The following ZMIZ1 variants were observed in gnomAD, a reference collection of about 807,000 sequenced individuals.
The protein encoded by ZMIZ1 is zinc finger MIZ-type containing 1, also known as zinc finger MIZ domain-containing protein 1.
A neutral mutation model predicts 113.9 loss-of-function variants in ZMIZ1; 17 were observed. The observed-to-expected ratio is 0.15, with a 90% CI of 0.10 to 0.22. The LOEUF (loss-of-function observed/expected upper bound fraction) is 0.22, where lower values mean the gene tolerates loss of function less well. Ranked by LOEUF, ZMIZ1 falls within the 10% of genes least tolerant of loss-of-function variation. The pLI is 1.00. For synonymous variants in ZMIZ1, 607 were observed against 603.1 expected (o/e 1.01, Z -0.09); for missense variants, 1,059 against 1,477.8 (o/e 0.72, Z 4.65).
chr10:79,298,459 C>T lies in ZMIZ1; in HGVS notation c.1545C>T (p.Asn515=), dbSNP rs1854060082. The change falls in exon 15 of 25, where the codon AAC becomes AAT. Residue 515 remains asparagine (N), a synonymous_variant. Coordinates refer to ENST00000334512, the MANE Select transcript of ZMIZ1 (RefSeq NM_020338.4). ...ACCCCCACTCACCTGTTCCAGGGAACCCCACACCCCCCATGACCCCTGGGA... is the reference window on the plus strand; with the variant it reads ...ACCCCCACTCACCTGTTCCAGGGAATCCCACACCCCCCATGACCCCTGGGA... ...ANYPHSPVPG[N]PTPPMTPGSS... The T allele has an allele frequency of 6.2e-7, 1 of 1,607,530 alleles. No individual in the cohort carries two copies. The highest frequency in any genetic ancestry group is 1.3e-5 in the African/African-American group (1 of 74,236).
At chr10:79,208,020 T>C (rs1233151784) in intron 5 of ZMIZ1, among the ~76,000 whole-genome samples, 2 of 140,634 alleles carry the variant, frequency 1.4e-5, no homozygotes, top group African/African-American at 2.6e-5. Context: ...GTCTTTGCAA[T>C]GGGGCTACTA....
intron 3 of ZMIZ1, among the ~76,000 whole-genome samples, chr10:79,150,745 C>G (rs1032758030): frequency 6.6e-6 from 1 of 152,178 alleles, no homozygotes; most frequent in Non-Finnish European, 1.5e-5. Context: ...AAAACCTCCC[C>G]ATCCACCCCT....
intron 4 of ZMIZ1, among the ~76,000 whole-genome samples, chr10:79,172,265 G>A (rs539214634): frequency 1.8e-4 from 27 of 152,248 alleles, no homozygotes; most frequent in African/African-American, 6.0e-4. Flanking sequence ...CTAGGGCCCA[G>A]CTGGGAGCCT....
intron 8 of ZMIZ1, 111 bp from the exon 9 acceptor site, chr10:79,289,664 G>T (rs965285705): frequency 3.1e-6 from 3 of 968,474 alleles, no homozygotes; most frequent in East Asian, 2.5e-5. Flanking sequence ...TCGGATGGGG[G>T]TTACCTTGGA....
chr10:79,128,105 C>T (rs956784065), intron 2 of ZMIZ1, among the ~76,000 whole-genome samples: 1 of 152,190 alleles, frequency 6.6e-6, no homozygotes, highest in Non-Finnish European at 1.5e-5. Flanking sequence ...ACCTCCCTCC[C>T]CTCCAGGCAG....
In ZMIZ1 at chr10:79,298,277, C is replaced by T. The variant is rs182072168; in HGVS notation, c.1492-129C>T. 2.4e-4 allele frequency: 260 copies of T among 1,067,182 alleles called. No individual in the cohort carries two copies. In the African/African-American group the frequency reaches 3.9e-3, roughly 16 times the overall value. 66.1% of individuals were successfully genotyped at this position (1,067,182 alleles called of 1,614,324 possible). On this transcript the variant is annotated intron_variant, in intron 14 of 24. Coordinates refer to ENST00000334512, the MANE Select transcript of ZMIZ1 (RefSeq NM_020338.4). ...AGATCTGCGAGAGAGAAGAGTTTCC[C>T]TGGAGGAGGCTCTCCTCCCGAGGGG...
chr10:79,263,594 CG>C (rs1851397211), intron 7 of ZMIZ1, among the ~76,000 whole-genome samples: 1 of 152,128 alleles, frequency 6.6e-6, no homozygotes, highest in African/African-American at 2.4e-5. Flanking sequence ...GTGTCAGCAC[CG>C]GGCCCCCAGG....
At chr10:79,199,240 G>C (rs899483471) in intron 4 of ZMIZ1, among the ~76,000 whole-genome samples, 4 of 151,996 alleles carry the variant, frequency 2.6e-5, no homozygotes, top group African/African-American at 9.7e-5. Flanking sequence ...AGGCGTGGTG[G>C]CTCACACCTG....
At chr10:79,088,542 G>C (rs186497195) in intron 1 of ZMIZ1, among the ~76,000 whole-genome samples, 5 of 152,238 alleles carry the variant, frequency 3.3e-5, no homozygotes, top group Admixed American at 3.3e-4. Flanking sequence ...GGAGTTGCCA[G>C]TGAGAGGGTG....
intron 1 of ZMIZ1, among the ~76,000 whole-genome samples, chr10:79,078,009 G>A (rs112971565): frequency 6.6e-6 from 1 of 152,286 alleles, no homozygotes; most frequent in African/African-American, 2.4e-5. Flanking sequence ...ACTCCCTGCC[G>A]TTTTCCACAC....
intron 23 of ZMIZ1, among the ~76,000 whole-genome samples, chr10:79,307,788 G>A (rs967690290): frequency 2.0e-5 from 3 of 152,010 alleles, no homozygotes; most frequent in Non-Finnish European, 4.4e-5. Context: ...CTCTGGAGAT[G>A]GGGGAAGCTT....
intron 4 of ZMIZ1, among the ~76,000 whole-genome samples, chr10:79,180,738 AG>A (rs1161923625): frequency 6.6e-6 from 1 of 152,202 alleles, no homozygotes; most frequent in Non-Finnish European, 1.5e-5. Context: ...GCCTCTGCTC[AG>A]GGGGGATAAA....
rs370274383 is a variant in ZMIZ1, at chr10:79,242,658, G to C, written c.280+26384G>C. Among the ~76,000 whole-genome samples, 72 of 152,012 alleles carry C rather than the reference G, an allele frequency of 4.7e-4. 1 individual carries two copies. In the East Asian group the frequency reaches 0.01, roughly 21 times the overall value. On this transcript the variant is annotated intron_variant, in intron 7 of 24. Coordinates refer to ENST00000334512, the MANE Select transcript of ZMIZ1 (RefSeq NM_020338.4). ...CATGCCCACTTGGGAGGATTCGCTG[G>C]GGGGCGGGAGACACCCGAAGTCATC...
chr10:79,154,303 T>C (rs1845818687), intron 3 of ZMIZ1, among the ~76,000 whole-genome samples: 1 of 152,108 alleles, frequency 6.6e-6, no homozygotes, highest in African/African-American at 2.4e-5. Flanking sequence ...CTCCAAGGAC[T>C]CTGCTGAGAG....
At chr10:79,132,876 T>A (rs1844831948) in intron 2 of ZMIZ1, among the ~76,000 whole-genome samples, 1 of 151,992 alleles carries the variant, frequency 6.6e-6, no homozygotes, top group African/African-American at 2.4e-5. Flanking sequence ...CCTTCCTCCT[T>A]CCCTCCCATG....
chr10:79,183,058 C>T (rs1847187107), intron 4 of ZMIZ1, among the ~76,000 whole-genome samples: 1 of 152,170 alleles, frequency 6.6e-6, no homozygotes, highest in Non-Finnish European at 1.5e-5. Context: ...TAAGCAGTAC[C>T]AAGTCAACCT....
At chr10:79,289,171 G>A (rs748245422) in intron 8 of ZMIZ1, among the ~76,000 whole-genome samples, 82 of 152,200 alleles carry the variant, frequency 5.4e-4, no homozygotes, top group African/African-American at 1.9e-3. Flanking sequence ...GTACATGAGA[G>A]ATCGGGGTGG....
Position 79,310,963 on chromosome 10 carries a change from A to G in ZMIZ1, c.2875A>G (p.Ile959Val), listed in dbSNP as rs748589299. 2.6e-5 allele frequency: 42 copies of G among 1,613,068 alleles called. No individual in the cohort carries two copies. Among genetic ancestry groups the G allele is most frequent in the Non-Finnish European group, 3.5e-5 (41 of 1,179,824 alleles). The change falls in exon 24 of 25, where the codon ATA (isoleucine) becomes GTA (valine). Residue 959 changes from isoleucine (I) to valine (V), a missense_variant. Ile to Val is a conservative substitution (Grantham distance 29, BLOSUM62 3). Around this residue, in one of 6 missense-constraint regions of ZMIZ1, gnomAD observed 225 missense variants for 276.0 expected, o/e 0.82. Transcript: ENST00000334512. ...CAGCTCTGACCAGCCCCACCCCTCC[A>G]TACAACAAGGTTTGCACGTACCACA... is the stretch of plus-strand genomic sequence containing the variant. ...AGSSDQPHPS[I>V]QQGLHVPHPS...
intron 18 of ZMIZ1, 84 bp from the exon 19 acceptor site, chr10:79,303,931 G>A (rs1026521874): frequency 1.3e-5 from 21 of 1,564,252 alleles, no homozygotes; most frequent in South Asian, 6.9e-5. Flanking sequence ...CCAGCTGCAC[G>A]AGGAAGTGGG....
Sources: allele counts gnomAD v4.1 joint callset (sites outside exome capture counted in the v4.1 genomes callset), GRCh38; gene constraint gnomAD v4.1.1; regional missense constraint gnomAD v4.1.1; transcripts MANE v1.5; gene names NCBI Gene and HGNC (gene_info 2026-07-23, HGNC 2026-07-21).